CCDC6: variants seen among roughly 807,000 people sequenced by gnomAD.
CCDC6 encodes the protein coiled-coil domain-containing protein 6.
CCDC6 carries 20 observed loss-of-function variants against 56.6 expected under a neutral mutation model. The ratio of observed to expected loss-of-function variants is 0.35; its 90% confidence interval spans 0.25 to 0.51. The LOEUF (loss-of-function observed/expected upper bound fraction) is 0.51. CCDC6 is among the 20% of genes least tolerant of loss of function. CCDC6 has a pLI of 0.95. For synonymous variants in CCDC6, 241 were observed against 234.4 expected (o/e 1.03, Z -0.26); for missense variants, 367 against 601.1 (o/e 0.61, Z 4.07).
At chr10:59,904,357 TCAAA>T (rs1288176396) in intron 1 of CCDC6, among the ~76,000 whole-genome samples, 1 of 152,208 alleles carries the variant, frequency 6.6e-6, no homozygotes. Context: ...GGTCTAAGTG[TCAAA>T]CAGATAACCC....
intron 5 of CCDC6, among the ~76,000 whole-genome samples, chr10:59,809,419 C>A (rs182047967): frequency 6.6e-6 from 1 of 152,258 alleles, no homozygotes; most frequent in East Asian, 1.9e-4. Context: ...CTGCAGTGAT[C>A]GGCTGGGAAG....
rs191789629 is a variant in CCDC6 at position 59,847,983 on chromosome 10, C to T, written c.453+4570G>A. 1.3e-3 allele frequency among the ~76,000 whole-genome samples: 205 copies of T among 152,180 alleles called. 1 individual carries two copies. Among genetic ancestry groups the T allele is most frequent in the African/African-American group, 4.6e-3 (192 of 41,518 alleles). The stretch of plus-strand genomic sequence containing the variant: ...TTCTCCCCACGTCTATGCGGGTTTT[C>T]TCCAGGTACTCCAGCGCCCTCCCAC... On this transcript the variant is annotated intron_variant, in intron 2 of 8. Transcript: ENST00000263102.
In CCDC6 at chr10:59,789,790, G is replaced by A. The variant is rs2070452254; in HGVS notation, c.*3127C>T. On this transcript the variant is annotated 3_prime_UTR_variant, in exon 9 of 9. Coordinates refer to ENST00000263102, the MANE Select transcript of CCDC6 (RefSeq NM_005436.5). ...TTATTGGGCATTCTCTAAAAGCAAGGCTTTGTGCAGGAAAAGTTCATGTCT... is the reference window on the plus strand; with the variant it reads ...TTATTGGGCATTCTCTAAAAGCAAGACTTTGTGCAGGAAAAGTTCATGTCT... 1 of 220,316 alleles carries A rather than the reference G, an allele frequency of 4.5e-6. No homozygotes were observed. Among genetic ancestry groups the A allele is most frequent in the Non-Finnish European group, 9.1e-6 (1 of 109,670 alleles). 13.6% of individuals were successfully genotyped at this position (220,316 alleles called of 1,614,324 possible). A position where few individuals can be genotyped will look rare whatever the true frequency, so the allele number is the denominator to read the frequency against.
chr10:59,830,657 A>G (rs1232904298), intron 3 of CCDC6, among the ~76,000 whole-genome samples: 1 of 152,218 alleles, frequency 6.6e-6, no homozygotes, highest in African/African-American at 2.4e-5. Flanking sequence ...TCACTAAGTT[A>G]TTAACTTGGT....
At chr10:59,806,094 C>T (rs1044605669) in intron 6 of CCDC6, among the ~76,000 whole-genome samples, 14 of 152,300 alleles carry the variant, frequency 9.2e-5, no homozygotes, top group Admixed American at 3.3e-4. Flanking sequence ...GCCCATGTAA[C>T]GCCAGGGCAT....
intron 1 of CCDC6, among the ~76,000 whole-genome samples, chr10:59,867,825 TA>T (rs2071190038): frequency 6.6e-6 from 1 of 152,162 alleles, no homozygotes; most frequent in East Asian, 1.9e-4. Context: ...CATCTCAGCC[TA>T]CCACAGTGCT....
At chr10:59,890,976 A>G (rs1407635049) in intron 1 of CCDC6, among the ~76,000 whole-genome samples, 1 of 152,112 alleles carries the variant, frequency 6.6e-6, no homozygotes, top group Non-Finnish European at 1.5e-5. Context: ...GAGTGAGAAC[A>G]TGTGGTGTTT....
chr10:59,893,874 T>C (rs2071442758), intron 1 of CCDC6, among the ~76,000 whole-genome samples: 1 of 152,226 alleles, frequency 6.6e-6, no homozygotes. Context: ...CCATGCAAGG[T>C]ACCGTCCAAC....
At chr10:59,793,254 G>C in intron 8 of CCDC6, 143 bp from the exon 9 acceptor site, 1 of 655,894 alleles carries the variant, frequency 1.5e-6, no homozygotes, top group Non-Finnish European at 2.6e-6. Flanking sequence ...CATCCCTACT[G>C]GTTTCTGAAC....
chr10:59,876,173 C>T (rs2071278662), intron 1 of CCDC6, among the ~76,000 whole-genome samples: 1 of 149,736 alleles, frequency 6.7e-6, no homozygotes, highest in African/African-American at 2.5e-5. Flanking sequence ...CTCAGCTTCC[C>T]TAGTAGCTGG....
intron 2 of CCDC6, among the ~76,000 whole-genome samples, chr10:59,851,739 G>A (rs1477302207): frequency 3.3e-5 from 5 of 152,182 alleles, no homozygotes; most frequent in Non-Finnish European, 7.4e-5. Flanking sequence ...ATATGGGGGT[G>A]TTTCACAGAC....
intron 3 of CCDC6, among the ~76,000 whole-genome samples, chr10:59,827,945 C>T (rs964322563): frequency 1.1e-4 from 17 of 152,104 alleles, no homozygotes; most frequent in Non-Finnish European, 2.5e-4. Flanking sequence ...ACCCACGTAC[C>T]GTATGCCACT....
chr10:59,865,730 C>G (rs949509397), intron 1 of CCDC6, among the ~76,000 whole-genome samples: 2 of 151,316 alleles, frequency 1.3e-5, no homozygotes, highest in African/African-American at 4.9e-5. Flanking sequence ...CCCGTGCCTG[C>G]AGCCCCAGCT....
rs7917618 is a variant in CCDC6 at position 59,790,029 on chromosome 10, G to A, written c.*2888C>T. 8,271 of 215,768 alleles carry A rather than the reference G, an allele frequency of 0.038. 678 individuals carry two copies. Among genetic ancestry groups the A allele is most frequent in the African/African-American group, 0.17 (7,436 of 44,400 alleles). The allele number at this position is 215,768 out of a possible 1,614,324, so 13.4% of individuals were successfully genotyped here. A position where few individuals can be genotyped will look rare whatever the true frequency, so the allele number is the denominator to read the frequency against. On this transcript the variant is annotated 3_prime_UTR_variant, in exon 9 of 9. Transcript: ENST00000263102. ...GAATTTAAAACTCCTTTCAGTCAAC[G>A]AAGGAGTAAGTTCAATTAAAGGCTT... is the stretch of plus-strand genomic sequence containing the variant.
rs111697383 is a variant in CCDC6, at chr10:59,809,386, A to G, written c.848-2308T>C. On this transcript the variant is annotated intron_variant, in intron 5 of 8. Transcript: ENST00000263102. ...CTCAGCAGGGGGATCCTTAAACAAT[A>G]TATCTATAGATAAGAATGTCCCCTG... Among the ~76,000 whole-genome samples the G allele has an allele frequency of 7.1e-3, 1,078 of 152,292 alleles. 9 individuals are homozygous for G. The highest frequency in any genetic ancestry group is 0.014 in the Middle Eastern group (4 of 294).
At chr10:59,795,085 A>C (rs980955243) in intron 7 of CCDC6, among the ~76,000 whole-genome samples, 6 of 129,656 alleles carry the variant, frequency 4.6e-5, no homozygotes, top group South Asian at 2.2e-4. Context: ...TAGGCAACAA[A>C]AAAAAAAAGC....
At chr10:59,819,713 C>T (rs1295298801) in intron 3 of CCDC6, among the ~76,000 whole-genome samples, 3 of 152,126 alleles carry the variant, frequency 2.0e-5, no homozygotes, top group African/African-American at 7.2e-5. Flanking sequence ...AATCTCTCTT[C>T]CACATCCTTC....
At chr10:59,824,778 TGTACTTGTTTTC>T (rs1182434286) in intron 3 of CCDC6, among the ~76,000 whole-genome samples, 1 of 152,334 alleles carries the variant, frequency 6.6e-6, no homozygotes, top group African/African-American at 2.4e-5. Context: ...TACTTCTTTT[TGTACTTGTTTTC>T]CAAACTGTCT....
intron 1 of CCDC6, among the ~76,000 whole-genome samples, chr10:59,885,906 T>G (rs2071379153): frequency 1.6e-5 from 1 of 63,552 alleles, no homozygotes; most frequent in Non-Finnish European, 3.2e-5. Context: ...GATGTCTATT[T>G]CCAACCCCGC....
Sources: gnomAD v4.1 joint callset for allele counts (sites outside exome capture counted in the v4.1 genomes callset) on GRCh38, gnomAD v4.1.1 for gene constraint, MANE v1.5 for transcripts, NCBI Gene and HGNC (gene_info 2026-07-23, HGNC 2026-07-21) for gene names.